The following KALRN variants were observed in gnomAD, a reference collection of about 807,000 sequenced individuals.
KALRN encodes the protein kalirin RhoGEF kinase.
A neutral mutation model predicts 353.7 loss-of-function variants in KALRN; 70 were observed. The observed-to-expected ratio is 0.20, with a 90% CI of 0.16 to 0.24. The LOEUF is 0.24. KALRN is among the 10% of genes least tolerant of loss of function. KALRN has a pLI of 1.00. For missense variants in KALRN, 2,791 were observed against 3,756.7 expected, an observed-to-expected ratio of 0.74 and a Z score of 6.72; for synonymous variants, 1,391 against 1,434.8, an observed-to-expected ratio of 0.97 and a Z score of 0.69.
intron 33 of KALRN, among the ~76,000 whole-genome samples, chr3:124,510,002 A>G (rs2065706898): frequency 6.6e-6 from 1 of 152,210 alleles, no homozygotes; most frequent in South Asian, 2.1e-4. Context: ...GCAAAAGCTG[A>G]TGGAGGAACT....
chr3:124,401,382 A>G (rs896681272), intron 13 of KALRN, among the ~76,000 whole-genome samples: 1 of 152,064 alleles, frequency 6.6e-6, no homozygotes, highest in African/African-American at 2.4e-5. Flanking sequence ...GTGAGCACCC[A>G]TGGTCCCAGC....
chr3:124,658,332 C>G (rs79876003), intron 41 of KALRN, 99 bp from the exon 42 acceptor site: 19,893 of 885,406 alleles, frequency 0.022, 295 homozygotes, highest in Non-Finnish European at 0.031. Context: ...CCAAGTGCGC[C>G]TTTGTCCTTT....
chr3:124,548,623 G>C (rs1334593268), intron 33 of KALRN, among the ~76,000 whole-genome samples: 1 of 152,172 alleles, frequency 6.6e-6, no homozygotes, highest in Non-Finnish European at 1.5e-5. Context: ...CCATTAAGTA[G>C]GTATCAAGTG....
At chr3:124,337,139 T>C (rs1289701284) in intron 9 of KALRN, among the ~76,000 whole-genome samples, 1 of 152,220 alleles carries the variant, frequency 6.6e-6, no homozygotes, top group African/African-American at 2.4e-5. Context: ...CCTATTTGAA[T>C]ACCCTTTATT....
chr3:124,685,849 G>A (rs821366), intron 51 of KALRN, among the ~76,000 whole-genome samples: 64,857 of 151,886 alleles, frequency 0.43, 14,649 homozygotes, highest in African/African-American at 0.58. Flanking sequence ...TTTCGTTTAC[G>A]TTGTACACTA....
At chr3:124,563,123 A>G in intron 34 of KALRN, 34 bp downstream of exon 34, 1 of 1,357,044 alleles carries the variant, frequency 7.4e-7, no homozygotes, top group Non-Finnish European at 9.9e-7. Flanking sequence ...GGCACAGACC[A>G]AGGAGGCCAT....
At chr3:124,555,047 A>G (rs2071043733) in intron 33 of KALRN, among the ~76,000 whole-genome samples, 1 of 152,148 alleles carries the variant, frequency 6.6e-6, no homozygotes, top group Non-Finnish European at 1.5e-5. Context: ...ATAGGATAGA[A>G]GAGGGATCTA....
At chr3:124,440,826 G>A (rs1246101587) in intron 18 of KALRN, among the ~76,000 whole-genome samples, 1 of 151,822 alleles carries the variant, frequency 6.6e-6, no homozygotes, top group Non-Finnish European at 1.5e-5. Context: ...AAAAAAACCT[G>A]CTTTGTAGAG....
chr3:124,415,870 G>C (rs2092466575), intron 14 of KALRN, among the ~76,000 whole-genome samples: 2 of 152,202 alleles, frequency 1.3e-5, no homozygotes, highest in African/African-American at 4.8e-5. Context: ...TTGTGAATCT[G>C]AATGTAGATG....
At chr3:124,703,356 T>C (rs1300646745) in intron 57 of KALRN, among the ~76,000 whole-genome samples, 2 of 152,222 alleles carry the variant, frequency 1.3e-5, no homozygotes, top group Admixed American at 6.5e-5. Context: ...ATGATCTCAG[T>C]ATCTATAGTA....
intron 56 of KALRN, 120 bp from the exon 57 acceptor site, chr3:124,701,918 C>G (rs2062360734): frequency 2.9e-6 from 2 of 690,296 alleles, no homozygotes; most frequent in Non-Finnish European, 5.1e-6. Context: ...CCCACTGAGT[C>G]AGACTCCATA....
chr3:124,094,964 C>T, intron 1 of KALRN: 1 of 1,459,470 alleles, frequency 6.9e-7, no homozygotes, highest in Non-Finnish European at 9.6e-7. Flanking sequence ...CACATAGAGA[C>T]ATAAAGAGAC....
chr3:124,660,970 T>C lies in KALRN; in HGVS notation c.6264T>C (p.Ile2088=), dbSNP rs333289. ...AGGCTGGTTTGGAGTGTTCAGATAT[T>C]GAGGTGAGTTTTCTGCTTGTAATGC... The part of the protein sequence containing the change: ...SEKAGLECSD[I]EKAVELMCLV... Residue 2088 remains isoleucine (I), a synonymous_variant, in exon 44 of 60, where the codon ATT becomes ATC. Coordinates refer to ENST00000682506, the MANE Select transcript of KALRN (RefSeq NM_001388419.1). 883,136 of 1,594,612 alleles carry C rather than the reference T, an allele frequency of 0.55. 248,499 individuals carry two copies. Among genetic ancestry groups the C allele is most frequent in the African/African-American group, 0.76 (56,294 of 74,418 alleles).
chr3:124,309,795 A>G lies in KALRN; in HGVS notation c.1092+10882A>G, dbSNP rs113255367. On this transcript the variant is annotated intron_variant, in intron 6 of 59. Transcript: ENST00000682506. The stretch of plus-strand genomic sequence containing the variant: ...TAGAAGATAACTTCCTCAACCAGAA[A>G]AAGGGCATCTACAAAAATTCACAGC... 2.0e-3 allele frequency among the ~76,000 whole-genome samples: 308 copies of G among 152,324 alleles called. 3 individuals carry two copies. Among genetic ancestry groups the G allele is most frequent in the African/African-American group, 6.9e-3 (288 of 41,572 alleles).
intron 1 of KALRN, among the ~76,000 whole-genome samples, chr3:124,208,617 C>CA (rs1385205030): frequency 6.6e-6 from 1 of 152,032 alleles, no homozygotes; most frequent in Non-Finnish European, 1.5e-5. Context: ...CCACTGTCTC[C>CA]AGCCAAGAAA....
intron 28 of KALRN, among the ~76,000 whole-genome samples, chr3:124,485,353 TA>T (rs1313142325): frequency 6.6e-6 from 1 of 152,198 alleles, no homozygotes; most frequent in Non-Finnish European, 1.5e-5. Flanking sequence ...CCTCTCCCTT[TA>T]ACCCTGTAAG....
In KALRN at chr3:124,365,460, G is replaced by A. The variant is rs562844174; in HGVS notation, c.1770+18195G>A. ...CTACTATACAGTCTCTAGAGCAGCC[G>A]TGTGCCTGACACCTACATTTCTGCT... On this transcript the variant is annotated intron_variant, in intron 10 of 59. Coordinates refer to ENST00000682506, the MANE Select transcript of KALRN (RefSeq NM_001388419.1). 1.3e-4 allele frequency among the ~76,000 whole-genome samples: 20 copies of A among 152,252 alleles called. No homozygotes were observed. In the East Asian group the frequency reaches 3.1e-3, roughly 24 times the overall value.
intron 1 of KALRN, among the ~76,000 whole-genome samples, chr3:124,220,236 A>G (rs1350393171): frequency 6.6e-6 from 1 of 152,008 alleles, no homozygotes; most frequent in Non-Finnish European, 1.5e-5. Flanking sequence ...AGCTACTGAG[A>G]CCGGCCGGTG....
intron 1 of KALRN, among the ~76,000 whole-genome samples, chr3:124,178,558 A>G (rs2073110144): frequency 6.6e-6 from 1 of 152,206 alleles, no homozygotes; most frequent in African/African-American, 2.4e-5. Flanking sequence ...TGTACCAGAT[A>G]CTGTAGGCAA....
Sources: allele counts gnomAD v4.1 joint callset (sites outside exome capture counted in the v4.1 genomes callset), GRCh38; gene constraint gnomAD v4.1.1; transcripts MANE v1.5; gene names NCBI Gene and HGNC (gene_info 2026-07-23, HGNC 2026-07-21).